Variants in GSDMC observed in about 807,000 individuals in gnomAD.
The protein encoded by GSDMC is gasdermin-C.
GSDMC carries 59 observed loss-of-function variants against 58.0 expected under a neutral mutation model. The ratio of observed to expected loss-of-function variants is 1.02; its 90% CI spans 0.82 to 1.26. The LOEUF (loss-of-function observed/expected upper bound fraction) is 1.26. Among genes scored for constraint, GSDMC ranks in the 50% most tolerant of loss-of-function variants. The pLI is 0.00. For missense variants in GSDMC, 659 were observed against 598.5 expected (o/e 1.10, Z -1.06); for synonymous variants, 241 against 220.2 (o/e 1.09, Z -0.83).
At chr8:129,764,469 T>C (rs2033787238) in intron 4 of GSDMC, among the ~76,000 whole-genome samples, 1 of 152,230 alleles carries the variant, frequency 6.6e-6, no homozygotes, top group African/African-American at 2.4e-5. Context: ...GTCCCCACTC[T>C]CAATGAGGAC....
At chr8:129,747,086 C>CA (rs879490530), downstream of GSDMC, among the ~76,000 whole-genome samples, 3,966 of 108,314 alleles carry the variant, frequency 0.037, 143 homozygotes, top group African/African-American at 0.11. Context: ...CCTGTCTGTA[C>CA]AAAAAAAAAA....
intron 6 of GSDMC, among the ~76,000 whole-genome samples, chr8:129,758,379 A>G (rs1187991377): frequency 1.3e-5 from 2 of 152,222 alleles, no homozygotes; most frequent in Non-Finnish European, 2.9e-5. Context: ...CAATCAGACA[A>G]GAGAAAGAAC....
intron 1 of GSDMC, among the ~76,000 whole-genome samples, chr8:129,784,984 G>A (rs545150573): frequency 7.9e-5 from 12 of 152,222 alleles, no homozygotes; most frequent in South Asian, 4.2e-4. Flanking sequence ...AGGCTGAGGC[G>A]GGTGGATCAA....
At position 129,776,106 on chromosome 8, in the gene GSDMC, T is replaced by A; in HGVS notation, c.400A>T (p.Lys134Ter). 1 of 1,612,854 alleles carries A rather than the reference T, an allele frequency of 6.2e-7. No homozygotes were observed. ...CTTCCTCTCCCATGGCCTCACCTTT[T>A]TTGAAAGTCTTCCAGGTTTGGTGAT... ...IPSPNLEDFQ[K>*]RKLLDPEPSF... Residue 134 changes from lysine to a stop codon, truncating the protein, a stop_gained, in exon 3 of 14, where the codon AAA becomes TAA. Transcript: ENST00000276708. LOFTEE classifies it high-confidence loss of function.
the GSDMC span, among the ~76,000 whole-genome samples, chr8:129,709,221 T>C: frequency 3.9e-5 from 6 of 152,106 alleles, no homozygotes; most frequent in Non-Finnish European, 8.8e-5. Context: ...GAGCAATTGG[T>C]TACATTCAGC....
chr8:129,727,663 T>C, the GSDMC span, among the ~76,000 whole-genome samples: 1 of 152,202 alleles, frequency 6.6e-6, no homozygotes, highest in Non-Finnish European at 1.5e-5. Flanking sequence ...CAGGATGCCA[T>C]TTTTAATCTA....
the GSDMC span, among the ~76,000 whole-genome samples, chr8:129,709,471 G>A: frequency 1.4e-5 from 2 of 140,760 alleles, no homozygotes; most frequent in South Asian, 4.6e-4. Flanking sequence ...ATAGATGATA[G>A]ATAGATAGAC....
the GSDMC span, among the ~76,000 whole-genome samples, chr8:129,742,306 T>G: frequency 2.3e-3 from 344 of 152,228 alleles, 4 homozygotes; most frequent in African/African-American, 8.1e-3. Context: ...AGTGAAGTGA[T>G]AGATATATTA....
Position 129,750,422 on chromosome 8 carries a change from G to A in GSDMC, c.1083+9C>T, listed in dbSNP as rs1297701561. On this transcript the variant is annotated intron_variant, in intron 11 of 13. Coordinates refer to ENST00000276708, the MANE Select transcript of GSDMC (RefSeq NM_031415.3). ...TTTACCAGACCTATGCAACTGTGGAGCCCCTCACCATGTTCATCAGGTCCT... is the reference window on the plus strand; with the variant it reads ...TTTACCAGACCTATGCAACTGTGGAACCCCTCACCATGTTCATCAGGTCCT... 4 of 1,611,698 alleles carry A rather than the reference G, an allele frequency of 2.5e-6. No individual in the cohort carries two copies.
chr8:129,737,415 A>G, the GSDMC span, among the ~76,000 whole-genome samples: 1 of 152,226 alleles, frequency 6.6e-6, no homozygotes, highest in African/African-American at 2.4e-5. Flanking sequence ...AGTAACCAAA[A>G]CAGCATGGTA....
chr8:129,720,483 A>G, the GSDMC span, among the ~76,000 whole-genome samples: 3,587 of 152,284 alleles, frequency 0.024, 151 homozygotes, highest in African/African-American at 0.08. Context: ...TCACATCCAC[A>G]TAAATATATT....
intron 1 of GSDMC, among the ~76,000 whole-genome samples, chr8:129,785,321 A>G (rs998289983): frequency 6.0e-5 from 9 of 150,266 alleles, no homozygotes; most frequent in African/African-American, 2.2e-4. Context: ...TCACTTATTT[A>G]TGAAAGCTAA....
chr8:129,727,344 T>G, the GSDMC span, among the ~76,000 whole-genome samples: 9 of 152,184 alleles, frequency 5.9e-5, no homozygotes, highest in Admixed American at 5.9e-4. Context: ...GTGAGCTTAA[T>G]TCAAGAAGGA....
Position 129,765,486 on chromosome 8 carries a change from A to T in GSDMC, c.570+142T>A, listed in dbSNP as rs561894664. Reference sequence around the variant, plus strand: ...TCAGATCAGAAGTCAGGATACATCAACATGTAAGAAGGGGGAAATAATGAC... The same window carrying T: ...TCAGATCAGAAGTCAGGATACATCATCATGTAAGAAGGGGGAAATAATGAC... On this transcript the variant is annotated intron_variant, in intron 4 of 13. Coordinates refer to ENST00000276708, the MANE Select transcript of GSDMC (RefSeq NM_031415.3). The T allele has an allele frequency of 9.8e-5, 68 of 696,044 alleles. No individual in the cohort carries two copies. The Admixed American group carries it at 1.3e-3, about 13-fold the overall frequency. The allele number at this position is 696,044 out of a possible 1,614,324, so 43.1% of individuals were successfully genotyped here.
chr8:129,739,161 A>G, the GSDMC span, among the ~76,000 whole-genome samples: 1 of 152,200 alleles, frequency 6.6e-6, no homozygotes, highest in Admixed American at 6.5e-5. Flanking sequence ...CGTTCAAGGC[A>G]GGTCATTCCA....
At chr8:129,740,136 ATGTT>A in the GSDMC span, among the ~76,000 whole-genome samples, 2 of 152,230 alleles carry the variant, frequency 1.3e-5, no homozygotes, top group South Asian at 2.1e-4. Context: ...CAGCTTTAGA[ATGTT>A]TGGGTTTTAA....
the GSDMC span, among the ~76,000 whole-genome samples, chr8:129,734,954 G>A: frequency 6.6e-6 from 1 of 152,150 alleles, no homozygotes; most frequent in East Asian, 1.9e-4. Context: ...TAGAGGGATG[G>A]AGGAAGATCT....
the GSDMC span, among the ~76,000 whole-genome samples, chr8:129,707,792 A>T: frequency 6.6e-6 from 1 of 152,370 alleles, no homozygotes; most frequent in Non-Finnish European, 1.5e-5. Flanking sequence ...TTCATCAACC[A>T]TCATTCTTGG....
At chr8:129,734,455 C>A in the GSDMC span, among the ~76,000 whole-genome samples, 2 of 152,176 alleles carry the variant, frequency 1.3e-5, no homozygotes, top group African/African-American at 2.4e-5. Flanking sequence ...AAAAGGAAGT[C>A]CAACAGACTA....
Sources: gnomAD v4.1 joint callset for allele counts (sites outside exome capture counted in the v4.1 genomes callset) on GRCh38, gnomAD v4.1.1 for gene constraint, MANE v1.5 for transcripts, NCBI Gene and HGNC (gene_info 2026-07-23, HGNC 2026-07-21) for gene names.